The following PIK3C2G variants were observed in gnomAD, a reference collection of about 807,000 sequenced individuals.
The protein encoded by PIK3C2G is phosphatidylinositol-4-phosphate 3-kinase catalytic subunit type 2 gamma.
PIK3C2G carries 168 observed loss-of-function variants against 181.1 expected under a neutral mutation model. The ratio of observed to expected loss-of-function variants is 0.93; its 90% CI spans 0.82 to 1.05. The LOEUF is 1.05. Among genes scored for constraint, PIK3C2G ranks in the 50% least tolerant of loss-of-function variants. PIK3C2G has a pLI of 0.00. For missense variants in PIK3C2G, 1,869 were observed against 1,732.8 expected, an observed-to-expected ratio of 1.08 and a Z score of -1.40; for synonymous variants, 573 against 592.2, an observed-to-expected ratio of 0.97 and a Z score of 0.47.
the PIK3C2G span, among the ~76,000 whole-genome samples, chr12:18,708,962 C>A: frequency 2.0e-5 from 3 of 151,928 alleles, no homozygotes; most frequent in African/African-American, 4.8e-5. Flanking sequence ...TCATAGGCTG[C>A]CCTTTGATTT....
intron 9 of PIK3C2G, 113 bp downstream of exon 9, chr12:18,338,661 ATCTGTGTG>A (rs1938795262): frequency 1.8e-6 from 1 of 544,916 alleles, no homozygotes; most frequent in Admixed American, 3.0e-5. Context: ...GTTTGTGTGT[ATCTGTGTG>A]TGTGTGTGTG....
intron 30 of PIK3C2G, among the ~76,000 whole-genome samples, chr12:18,608,829 A>T (rs564329392): frequency 2.0e-5 from 3 of 152,296 alleles, no homozygotes; most frequent in African/African-American, 7.2e-5. Context: ...ATTTTGATCA[A>T]AAAATAATCT....
At chr12:18,711,871 G>A in the PIK3C2G span, among the ~76,000 whole-genome samples, 114 of 152,138 alleles carry the variant, frequency 7.5e-4, 1 homozygote, top group African/African-American at 2.6e-3. Context: ...ACATGTTTAG[G>A]AGAATCAGTG....
In PIK3C2G at chr12:18,268,242, T is replaced by C. The variant is rs1948591987; in HGVS notation, c.-79+6665T>C. Among the ~76,000 whole-genome samples, 4 of 152,208 alleles carry C rather than the reference T, an allele frequency of 2.6e-5. No homozygotes were observed. In the South Asian group the frequency reaches 6.2e-4, roughly 24 times the overall value. ...TTGACTGAATGGATGTGAGTCTTTG[T>C]GGCTGGTAATGCTATACTAAATGAA... On this transcript the variant is annotated intron_variant, in intron 1 of 32. Transcript: ENST00000538779.
intron 32 of PIK3C2G, among the ~76,000 whole-genome samples, chr12:18,646,050 A>G (rs1169304908): frequency 1.3e-5 from 2 of 152,166 alleles, no homozygotes; most frequent in Non-Finnish European, 2.9e-5. Context: ...GAAGTCCTAG[A>G]AAGATTTCCA....
At chr12:18,417,125 T>A (rs1256734256) in intron 16 of PIK3C2G, among the ~76,000 whole-genome samples, 1 of 152,140 alleles carries the variant, frequency 6.6e-6, no homozygotes, top group Non-Finnish European at 1.5e-5. Flanking sequence ...AGGAAGGAAC[T>A]GTAGATGTGG....
At chr12:18,308,062 G>C (rs1950492149) in intron 5 of PIK3C2G, among the ~76,000 whole-genome samples, 1 of 151,758 alleles carries the variant, frequency 6.6e-6, no homozygotes, top group South Asian at 2.1e-4. Flanking sequence ...TAGCCTCATT[G>C]CAAGTGATTA....
At chr12:18,337,317 A>T (rs1011622776) in intron 8 of PIK3C2G, among the ~76,000 whole-genome samples, 2 of 152,180 alleles carry the variant, frequency 1.3e-5, no homozygotes, top group Admixed American at 1.3e-4. Flanking sequence ...TCTGAGATAC[A>T]GAACGGCTAA....
At chr12:18,687,844 T>A in the PIK3C2G span, among the ~76,000 whole-genome samples, 2 of 151,962 alleles carry the variant, frequency 1.3e-5, no homozygotes, top group East Asian at 3.9e-4. Context: ...AGAGGTAAAT[T>A]TTTTTTAAGC....
Position 18,286,908 on chromosome 12 carries a change from CTT to C in PIK3C2G, c.744_745del (p.Phe248LeufsTer15). On this transcript the variant is annotated frameshift_variant, in exon 3 of 33. Transcript: ENST00000538779. LOFTEE classifies it high-confidence loss of function. ...CAAAGCAGCAATACGAGTCTGGCCTCTTTTTGCAACAAAGTAAAAAAGTGAGT... is the reference window on the plus strand; with the variant it reads ...CAAAGCAGCAATACGAGTCTGGCCTCTTTGCAACAAAGTAAAAAAGTGAGT... The C allele has an allele frequency of 6.4e-7, 1 of 1,565,988 alleles. No homozygotes were observed. Among genetic ancestry groups the C allele is most frequent in the Non-Finnish European group, 8.7e-7 (1 of 1,154,850 alleles).
At chr12:18,291,764 T>G (rs1462365777) in intron 4 of PIK3C2G, among the ~76,000 whole-genome samples, 1 of 152,038 alleles carries the variant, frequency 6.6e-6, no homozygotes, top group Non-Finnish European at 1.5e-5. Flanking sequence ...TTATTGTGCT[T>G]CTTTCTTACT....
At position 18,371,260 on chromosome 12, in the gene PIK3C2G, C is replaced by G; in HGVS notation, c.1829C>G (p.Thr610Ser). 6.2e-7 allele frequency: 1 copy of G among 1,612,314 alleles called. No homozygotes were observed. Among genetic ancestry groups the G allele is most frequent in the Non-Finnish European group, 8.5e-7 (1 of 1,179,034 alleles). ...AAACTGTTTGGGATTGCCTGTGCAA[C>G]CAACAATGCAAATTTACTGGCGTGG... ...TVKLFGIACA[T>S]NNANLLAWTC... The change falls in exon 13 of 33, where the codon ACC becomes AGC. Residue 610 changes from threonine to serine, a missense_variant. Transcript: ENST00000538779.
intron 19 of PIK3C2G, among the ~76,000 whole-genome samples, chr12:18,489,347 T>G (rs935258747): frequency 1.3e-5 from 2 of 152,104 alleles, no homozygotes; most frequent in Non-Finnish European, 2.9e-5. Flanking sequence ...GATAGAAAGA[T>G]GACCAAAACA....
chr12:18,698,370 T>G, the PIK3C2G span, among the ~76,000 whole-genome samples: 2 of 151,906 alleles, frequency 1.3e-5, no homozygotes, highest in African/African-American at 4.8e-5. Flanking sequence ...AGTCCAGACC[T>G]ACTGAATTGA....
chr12:18,690,153 T>C, the PIK3C2G span, among the ~76,000 whole-genome samples: 1 of 152,180 alleles, frequency 6.6e-6, no homozygotes, highest in Non-Finnish European at 1.5e-5. Flanking sequence ...AACCTAGATA[T>C]ATTGGGCATA....
chr12:18,382,956 A>G (rs1315420594), intron 14 of PIK3C2G, among the ~76,000 whole-genome samples: 1 of 152,212 alleles, frequency 6.6e-6, no homozygotes, highest in Non-Finnish European at 1.5e-5. Context: ...AGATTCGACC[A>G]CGTGACACCT....
In PIK3C2G at chr12:18,393,333, A is replaced by G. The variant is rs1488343992; in HGVS notation, c.2126+2081A>G. ...GTTTTATTCTGGACTGTGAAAATAG[A>G]TGGAGAACAGCCTTCAATGTGGTGA... On this transcript the variant is annotated intron_variant, in intron 15 of 32. Transcript: ENST00000538779. Among the ~76,000 whole-genome samples the G allele has an allele frequency of 3.3e-5, 5 of 152,202 alleles. No homozygotes were observed. The East Asian group carries it at 9.7e-4, about 29-fold the overall frequency.
intron 12 of PIK3C2G, among the ~76,000 whole-genome samples, chr12:18,364,057 C>T (rs1941462862): frequency 6.6e-6 from 1 of 152,164 alleles, no homozygotes; most frequent in Admixed American, 6.5e-5. Context: ...AAGTACAAAT[C>T]ATTTAGCAAA....
chr12:18,357,961 G>T (rs1323073496), intron 11 of PIK3C2G, among the ~76,000 whole-genome samples: 1 of 152,154 alleles, frequency 6.6e-6, no homozygotes, highest in Non-Finnish European at 1.5e-5. Context: ...ATATATCATT[G>T]TATGTATATA....
Sources: allele counts gnomAD v4.1 joint callset (sites outside exome capture counted in the v4.1 genomes callset), GRCh38; gene constraint gnomAD v4.1.1; transcripts MANE v1.5; gene names NCBI Gene and HGNC (gene_info 2026-07-23, HGNC 2026-07-21).